Variants in GALNT17 observed in about 807,000 individuals in gnomAD.
GALNT17 encodes the protein polypeptide N-acetylgalactosaminyltransferase 17.
In GALNT17, 29 loss-of-function variants were observed where a neutral mutation model predicts 63.7. The observed-to-expected ratio is 0.46, with a 90% CI of 0.34 to 0.62. GALNT17 has a LOEUF of 0.62. Among genes scored for constraint, GALNT17 ranks in the 20% least tolerant of loss-of-function variants. The pLI is 0.01. For missense variants in GALNT17, 603 were observed against 799.6 expected, an observed-to-expected ratio of 0.75 and a Z score of 2.97; for synonymous variants, 305 against 318.3, an observed-to-expected ratio of 0.96 and a Z score of 0.45.
chr7:71,635,776 C>T (rs1790521006), intron 6 of GALNT17, among the ~76,000 whole-genome samples: 1 of 152,200 alleles, frequency 6.6e-6, no homozygotes, highest in South Asian at 2.1e-4. Flanking sequence ...GTGGATTATT[C>T]ATGCCTCCCC....
At chr7:71,648,863 C>A (rs948096507) in intron 6 of GALNT17, among the ~76,000 whole-genome samples, 25 of 152,216 alleles carry the variant, frequency 1.6e-4, no homozygotes, top group African/African-American at 5.8e-4. Context: ...TCAACTCAAC[C>A]AAGAGCCAGG....
intron 5 of GALNT17, among the ~76,000 whole-genome samples, chr7:71,442,081 A>G (rs1463398719): frequency 1.3e-5 from 2 of 152,128 alleles, no homozygotes; most frequent in African/African-American, 2.4e-5. Context: ...CAATGGTTGA[A>G]CTGATTTACA....
At chr7:71,542,254 A>T (rs1788904366) in intron 5 of GALNT17, among the ~76,000 whole-genome samples, 1 of 152,166 alleles carries the variant, frequency 6.6e-6, no homozygotes, top group Non-Finnish European at 1.5e-5. Flanking sequence ...ATTAAACAGA[A>T]CACTTCTAGG....
chr7:71,479,255 A>AT (rs1787774449), intron 5 of GALNT17, among the ~76,000 whole-genome samples: 1 of 150,866 alleles, frequency 6.6e-6, no homozygotes, highest in Admixed American at 6.6e-5. Context: ...GATTGACTCC[A>AT]TCTCTGTACC....
At chr7:71,388,783 T>G (rs1335684839) in intron 3 of GALNT17, among the ~76,000 whole-genome samples, 2 of 152,160 alleles carry the variant, frequency 1.3e-5, no homozygotes, top group Non-Finnish European at 2.9e-5. Flanking sequence ...CACCTCAGCT[T>G]CCCAAAGTGC....
At chr7:71,448,378 T>G (rs1234440127) in intron 5 of GALNT17, among the ~76,000 whole-genome samples, 1 of 152,030 alleles carries the variant, frequency 6.6e-6, no homozygotes, top group Non-Finnish European at 1.5e-5. Context: ...TGTGTGTGTG[T>G]GGTCTCTATT....
At chr7:71,319,015 C>T (rs1181434374) in intron 1 of GALNT17, among the ~76,000 whole-genome samples, 2 of 151,886 alleles carry the variant, frequency 1.3e-5, no homozygotes, top group Non-Finnish European at 2.9e-5. Context: ...TGAAGTAGGC[C>T]CAGGGATCTA....
intron 1 of GALNT17, among the ~76,000 whole-genome samples, chr7:71,141,963 C>T (rs1005310127): frequency 6.6e-6 from 1 of 150,394 alleles, no homozygotes; most frequent in African/African-American, 2.5e-5. Context: ...ATCCTCCTGC[C>T]TCAGTCTCCC....
intron 1 of GALNT17, among the ~76,000 whole-genome samples, chr7:71,133,649 G>A (rs1787729568): frequency 6.6e-6 from 1 of 152,170 alleles, no homozygotes; most frequent in South Asian, 2.1e-4. Flanking sequence ...TAAAGCTCAG[G>A]GTGGGCCTGC....
chr7:71,511,388 A>C (rs1788353032), intron 5 of GALNT17, among the ~76,000 whole-genome samples: 1 of 152,178 alleles, frequency 6.6e-6, no homozygotes, highest in Non-Finnish European at 1.5e-5. Flanking sequence ...TCCTGCAAGC[A>C]ACCCTCGTGG....
chr7:71,637,802 A>G (rs1271398004), intron 6 of GALNT17, among the ~76,000 whole-genome samples: 2 of 152,176 alleles, frequency 1.3e-5, no homozygotes, highest in African/African-American at 4.8e-5. Flanking sequence ...AGCAGTGCTA[A>G]TATTGCTGGA....
chr7:71,226,361 G>T (rs1335749710), intron 1 of GALNT17, among the ~76,000 whole-genome samples: 1 of 152,210 alleles, frequency 6.6e-6, no homozygotes, highest in Non-Finnish European at 1.5e-5. Flanking sequence ...CTTCTGTTTG[G>T]AGAGCAGCAG....
chr7:71,470,594 A>G (rs1787611997), intron 5 of GALNT17, among the ~76,000 whole-genome samples: 1 of 152,142 alleles, frequency 6.6e-6, no homozygotes, highest in South Asian at 2.1e-4. Flanking sequence ...ACGATGTGAT[A>G]TAAAAACTGC....
At chr7:71,596,809 TA>T (rs1339625279) in intron 6 of GALNT17, among the ~76,000 whole-genome samples, 1 of 151,850 alleles carries the variant, frequency 6.6e-6, no homozygotes, top group East Asian at 1.9e-4. Context: ...TTCCCTGCAA[TA>T]AGGGACCCTA....
chr7:71,635,560 T>C (rs1194192867), intron 6 of GALNT17, among the ~76,000 whole-genome samples: 1 of 152,138 alleles, frequency 6.6e-6, no homozygotes, highest in Non-Finnish European at 1.5e-5. Context: ...GTTACCTGCA[T>C]AGAATGTGTA....
intron 1 of GALNT17, among the ~76,000 whole-genome samples, chr7:71,206,497 G>A (rs1001406623): frequency 9.9e-5 from 15 of 152,050 alleles, no homozygotes; most frequent in Non-Finnish European, 1.8e-4. Context: ...ATGCTACCCC[G>A]TTGTAATACT....
At chr7:71,253,839 C>G (rs1176162874) in intron 1 of GALNT17, among the ~76,000 whole-genome samples, 1 of 152,158 alleles carries the variant, frequency 6.6e-6, no homozygotes, top group Non-Finnish European at 1.5e-5. Flanking sequence ...GATACAGGAC[C>G]GTGACCCTTT....
intron 5 of GALNT17, among the ~76,000 whole-genome samples, chr7:71,524,494 T>A (rs1435777829): frequency 6.6e-6 from 1 of 152,020 alleles, no homozygotes; most frequent in African/African-American, 2.4e-5. Context: ...CTGACAAAAC[T>A]CTACCCAAAG....
chr7:71,607,026 A>G (rs7801821), intron 6 of GALNT17, among the ~76,000 whole-genome samples: 146,878 of 152,232 alleles, frequency 0.96, 71,038 homozygotes, highest in East Asian at 1. Context: ...ACTAATTGAT[A>G]CCAGGAGTGT....
Sources: allele counts gnomAD v4.1 joint callset (sites outside exome capture counted in the v4.1 genomes callset), GRCh38; gene constraint gnomAD v4.1.1; transcripts MANE v1.5; gene names NCBI Gene and HGNC (gene_info 2026-07-23, HGNC 2026-07-21).